NPAS3: variants seen among roughly 807,000 people sequenced by gnomAD.
NPAS3 encodes the protein neuronal PAS domain protein 3.
NPAS3 carries 14 observed loss-of-function variants against 73.1 expected under a neutral mutation model. The observed-to-expected ratio is 0.19, with a 90% confidence interval of 0.13 to 0.30. The LOEUF (loss-of-function observed/expected upper bound fraction) is 0.30, where lower values mean the gene tolerates loss of function less well. NPAS3 is among the 10% of genes least tolerant of loss of function. The pLI, the probability that NPAS3 is intolerant of heterozygous loss-of-function variation, is 1.00. For synonymous variants in NPAS3, 620 were observed against 541.5 expected (o/e 1.14, Z -2.01); for missense variants, 1,096 against 1,250.0 (o/e 0.88, Z 1.86).
chr14:32,934,891 GCGGCCGGCGGGGCGGCCGCGGGGGTGC>G, upstream of NPAS3: 5 of 887,360 alleles, frequency 5.6e-6, no homozygotes, highest in South Asian at 5.0e-5. The surrounding 1 kb of genome is among the most constrained non-coding windows in gnomAD (Gnocchi z 4.1). Context: ...GACGGCCGCG[GCGGCCGGCGGGGCGGCCGCGGGGGTGC>G]CGGCCGGCGC....
chr14:33,419,105 C>T (rs934504565), intron 4 of NPAS3, among the ~76,000 whole-genome samples: 6 of 151,836 alleles, frequency 4.0e-5, no homozygotes, highest in Non-Finnish European at 8.8e-5. Context: ...TGAGATGAAG[C>T]TCTAACATCT....
At chr14:33,011,604 A>G (rs1054973089) in intron 1 of NPAS3, among the ~76,000 whole-genome samples, 1 of 152,070 alleles carries the variant, frequency 6.6e-6, no homozygotes, top group African/African-American at 2.4e-5. Flanking sequence ...ACAAAATGAC[A>G]TTGTTGGAGG....
intron 6 of NPAS3, among the ~76,000 whole-genome samples, chr14:33,682,939 C>A (rs919855284): frequency 6.6e-6 from 1 of 152,178 alleles, no homozygotes; most frequent in African/African-American, 2.4e-5. Flanking sequence ...CCTTTGGGAC[C>A]TAATTCCTTG....
chr14:33,140,888 G>A (rs565457923), intron 2 of NPAS3, among the ~76,000 whole-genome samples: 2 of 152,136 alleles, frequency 1.3e-5, no homozygotes, highest in Non-Finnish European at 2.9e-5. Flanking sequence ...ATTGACTATG[G>A]CCAAACATAA....
At chr14:33,424,349 G>A (rs1397559427) in intron 4 of NPAS3, among the ~76,000 whole-genome samples, 1 of 152,004 alleles carries the variant, frequency 6.6e-6, no homozygotes, top group African/African-American at 2.4e-5. Context: ...AGGACACCTG[G>A]AGAACCTTGA....
chr14:33,380,137 A>G lies in NPAS3; in HGVS notation c.468+12869A>G, dbSNP rs191101684. 1.8e-3 allele frequency among the ~76,000 whole-genome samples: 269 copies of G among 152,212 alleles called. 3 individuals are homozygous for G. Among genetic ancestry groups the G allele is most frequent in the Middle Eastern group, 6.8e-3 (2 of 294 alleles). On this transcript the variant is annotated intron_variant, in intron 4 of 11. Coordinates refer to ENST00000356141, the Ensembl canonical transcript of NPAS3. Reference sequence around the variant, plus strand: ...TGACTTTTTGTAGATCAACCAAAATAAAATTCTGACTCTTGTCTCTTGAAA... The same window carrying G: ...TGACTTTTTGTAGATCAACCAAAATGAAATTCTGACTCTTGTCTCTTGAAA...
At chr14:33,165,032 G>A (rs777278511) in intron 2 of NPAS3, among the ~76,000 whole-genome samples, 3 of 152,116 alleles carry the variant, frequency 2.0e-5, no homozygotes, top group African/African-American at 7.2e-5. Context: ...TATGAAAGGT[G>A]TAAGAGAGAC....
chr14:33,275,252 C>G (rs2041277184), intron 3 of NPAS3, among the ~76,000 whole-genome samples: 1 of 152,146 alleles, frequency 6.6e-6, no homozygotes, highest in Non-Finnish European at 1.5e-5. Flanking sequence ...TTCCCTGCAG[C>G]AGATACTGCT....
chr14:33,800,499 T>C lies in NPAS3; in HGVS notation c.2192T>C (p.Phe731Ser). The C allele has an allele frequency of 6.9e-7, 1 of 1,441,048 alleles. No individual in the cohort carries two copies. The highest frequency in any genetic ancestry group is 9.1e-7 in the Non-Finnish European group (1 of 1,104,950). 89.3% of individuals were successfully genotyped at this position (1,441,048 alleles called of 1,614,324 possible). The change falls in exon 12 of 12, where the codon TTC becomes TCC. Residue 731 changes from phenylalanine to serine, a missense_variant. This residue lies in a region of NPAS3 where 698 missense variants were observed against 676.7 expected (regional missense o/e 1.03). Coordinates refer to ENST00000356141, the Ensembl canonical transcript of NPAS3. This position sits in a 1 kb window ranked among gnomAD's most constrained non-coding sequence, Gnocchi z 6.5. ...GGCGCGGCCGCCCGCAAGACTCAGT[T>C]CGGCGCCTCGGCCACCGCGGCCCTG...
intron 4 of NPAS3, among the ~76,000 whole-genome samples, chr14:33,525,715 A>G (rs1157518792): frequency 1.3e-5 from 2 of 152,176 alleles, no homozygotes; most frequent in Non-Finnish European, 2.9e-5. Context: ...TGTAGGACAC[A>G]TAAAACCTAT....
chr14:33,266,674 A>C lies in NPAS3; in HGVS notation c.385+51248A>C, dbSNP rs79934956. Among the ~76,000 whole-genome samples the C allele has an allele frequency of 4.4e-3, 664 of 152,294 alleles. 7 individuals carry two copies. Among genetic ancestry groups the C allele is most frequent in the African/African-American group, 0.015 (643 of 41,584 alleles). Reference sequence around the variant, plus strand: ...CATGGAGAGTGATTGGATCAAGGTCATTCAGCTAATGCATGGCCAATATAG... The same window carrying C: ...CATGGAGAGTGATTGGATCAAGGTCCTTCAGCTAATGCATGGCCAATATAG... On this transcript the variant is annotated intron_variant, in intron 3 of 11. Transcript: ENST00000356141.
chr14:33,530,343 G>A (rs1440260329), intron 4 of NPAS3, among the ~76,000 whole-genome samples: 3 of 152,076 alleles, frequency 2.0e-5, no homozygotes, highest in Non-Finnish European at 4.4e-5. Flanking sequence ...TAGATCCAAA[G>A]CAATTTTCCT....
intron 4 of NPAS3, among the ~76,000 whole-genome samples, chr14:33,555,881 T>C (rs1178865084): frequency 1.8e-5 from 2 of 109,874 alleles, no homozygotes; most frequent in Non-Finnish European, 3.9e-5. Flanking sequence ...AATTAACCAA[T>C]TGTTGTTGGT....
intron 3 of NPAS3, among the ~76,000 whole-genome samples, chr14:33,311,229 AAAT>A (rs1231507333): frequency 3.9e-5 from 6 of 152,134 alleles, no homozygotes; most frequent in Non-Finnish European, 7.4e-5. Flanking sequence ...CAGTATTTCG[AAAT>A]AATAATAGAA....
chr14:33,800,959 G>T lies in NPAS3; in HGVS notation c.2652G>T (p.Pro884=). ...TGCACCGGCTCAACATGTCAGGACC[G>T]TTCGGCGGCGCAGTGAGCGCAGCTA... Residue 884 remains proline, a synonymous_variant, in exon 12 of 12, where the codon CCG becomes CCT. Coordinates refer to ENST00000356141, the Ensembl canonical transcript of NPAS3. This position sits in a 1 kb window ranked among gnomAD's most constrained non-coding sequence, Gnocchi z 6.5. 2 of 1,600,114 alleles carry T rather than the reference G, an allele frequency of 1.2e-6. No homozygotes were observed. Among genetic ancestry groups the T allele is most frequent in the Non-Finnish European group, 1.7e-6 (2 of 1,174,124 alleles).
At chr14:33,505,524 C>A (rs908590354) in intron 4 of NPAS3, among the ~76,000 whole-genome samples, 1 of 151,950 alleles carries the variant, frequency 6.6e-6, no homozygotes, top group African/African-American at 2.4e-5. Flanking sequence ...TTCCATATCC[C>A]TCAGGAGCCC....
chr14:33,497,966 C>T (rs1215335772), intron 4 of NPAS3, among the ~76,000 whole-genome samples: 3 of 151,990 alleles, frequency 2.0e-5, no homozygotes, highest in Non-Finnish European at 4.4e-5. Flanking sequence ...GGCTAATATC[C>T]AGATTCTATA....
At chr14:33,721,516 A>G (rs1187427560) in intron 6 of NPAS3, among the ~76,000 whole-genome samples, 1 of 152,206 alleles carries the variant, frequency 6.6e-6, no homozygotes, top group African/African-American at 2.4e-5. Flanking sequence ...ACTTACCAGA[A>G]GAGACTAAAA....
chr14:33,358,355 G>C (rs925996335), intron 3 of NPAS3, among the ~76,000 whole-genome samples: 1 of 152,240 alleles, frequency 6.6e-6, no homozygotes, highest in Non-Finnish European at 1.5e-5. Flanking sequence ...AGAAGGCACT[G>C]TAGGTGGGGT....
Sources: allele counts gnomAD v4.1 joint callset (sites outside exome capture counted in the v4.1 genomes callset), GRCh38; gene constraint gnomAD v4.1.1; regional missense constraint gnomAD v4.1.1; non-coding constraint Gnocchi (gnomAD v3.1); transcripts MANE v1.5; gene names NCBI Gene and HGNC (gene_info 2026-07-23, HGNC 2026-07-21).